Variants in CCDC85A observed in about 807,000 individuals in gnomAD.
CCDC85A encodes the protein coiled-coil domain containing 85A.
In CCDC85A, 38 loss-of-function variants were observed where a neutral mutation model predicts 50.2. That is an observed-to-expected ratio of 0.76 (90% CI 0.58 to 0.99). CCDC85A has a LOEUF of 0.99. Among genes scored for constraint, CCDC85A ranks in the 50% least tolerant of loss-of-function variants. The probability of loss-of-function intolerance (pLI) is 0.00; values close to 1 mark genes in which losing one functional copy is unlikely to be tolerated. For missense variants in CCDC85A, 820 were observed against 742.0 expected (o/e 1.11, Z -1.22); for synonymous variants, 366 against 301.4 (o/e 1.21, Z -2.22).
chr2:56,385,920 T>G lies in CCDC85A; in HGVS notation c.*1565T>G, dbSNP rs1408224568. 14 of 152,042 alleles carry G rather than the reference T, an allele frequency of 9.2e-5. No homozygotes were observed. The Admixed American group carries it at 9.2e-4, about 10-fold the overall frequency. The allele number at this position is 152,042 out of a possible 1,614,324, so 9.4% of individuals were successfully genotyped here. The stretch of plus-strand genomic sequence containing the variant: ...CTATAAAAGAAAATTGCTTGCTATA[T>G]TTACACCTTCTTTCCTAGGAAAGCT... On this transcript the variant is annotated 3_prime_UTR_variant, in exon 6 of 6. Coordinates refer to ENST00000407595, the MANE Select transcript of CCDC85A (RefSeq NM_001080433.2).
At chr2:56,313,477 T>G (rs895673672) in intron 2 of CCDC85A, among the ~76,000 whole-genome samples, 1 of 152,138 alleles carries the variant, frequency 6.6e-6, no homozygotes. Flanking sequence ...CTGGGCAGTA[T>G]TTTTGATTTT....
chr2:56,252,700 C>G (rs1027239018), intron 2 of CCDC85A, among the ~76,000 whole-genome samples: 1 of 152,120 alleles, frequency 6.6e-6, no homozygotes, highest in Non-Finnish European at 1.5e-5. Flanking sequence ...CGGGCCCCCC[C>G]GCCCAACCGA....
intron 2 of CCDC85A, among the ~76,000 whole-genome samples, chr2:56,222,313 A>G (rs1393270961): frequency 2.0e-5 from 3 of 152,168 alleles, no homozygotes; most frequent in Non-Finnish European, 4.4e-5. Flanking sequence ...TTTTTAATTG[A>G]CATTGTACAT....
At chr2:56,200,167 C>T (rs61181057) in intron 2 of CCDC85A, among the ~76,000 whole-genome samples, 5,148 of 152,190 alleles carry the variant, frequency 0.034, 276 homozygotes, top group African/African-American at 0.12. Context: ...ACACCCAGCC[C>T]GTTTTTGCTT....
intron 2 of CCDC85A, among the ~76,000 whole-genome samples, chr2:56,292,119 G>T (rs1173135022): frequency 6.6e-6 from 1 of 152,024 alleles, no homozygotes; most frequent in Non-Finnish European, 1.5e-5. Context: ...GTCTTGCTCT[G>T]TCGCCCAGGC....
At chr2:56,382,753 G>T (rs766591918) in intron 5 of CCDC85A, among the ~76,000 whole-genome samples, 2 of 151,994 alleles carry the variant, frequency 1.3e-5, no homozygotes, top group Non-Finnish European at 2.9e-5. Context: ...AGCTCATTGT[G>T]TTCCACATTT....
At chr2:56,324,054 C>G (rs1673348632) in intron 2 of CCDC85A, among the ~76,000 whole-genome samples, 1 of 152,096 alleles carries the variant, frequency 6.6e-6, no homozygotes. Flanking sequence ...GGGCCTATTG[C>G]TTTGTTCCAT....
rs1671243218 is a variant in CCDC85A, at chr2:56,282,336, G to A, written c.1241-60543G>A. Among the ~76,000 whole-genome samples the A allele has an allele frequency of 3.9e-5, 6 of 152,256 alleles. No homozygotes were observed. The South Asian group carries it at 1.2e-3, about 32-fold the overall frequency. On this transcript the variant is annotated intron_variant, in intron 2 of 5. Coordinates refer to ENST00000407595, the MANE Select transcript of CCDC85A (RefSeq NM_001080433.2). ...GTAGTAAGTCCTGAAATCAAATAGTGTGAGTCCTCTACATTTTTGTTGTTG... is the reference window on the plus strand; with the variant it reads ...GTAGTAAGTCCTGAAATCAAATAGTATGAGTCCTCTACATTTTTGTTGTTG...
intron 2 of CCDC85A, among the ~76,000 whole-genome samples, chr2:56,313,912 C>A (rs183814412): frequency 6.7e-6 from 1 of 148,984 alleles, no homozygotes; most frequent in Admixed American, 6.6e-5. Context: ...CTGGCCTGTT[C>A]AGGGAGCATG....
At chr2:56,279,336 G>A (rs999259042) in intron 2 of CCDC85A, among the ~76,000 whole-genome samples, 4 of 152,116 alleles carry the variant, frequency 2.6e-5, no homozygotes, top group African/African-American at 9.7e-5. Context: ...TGTTCACAGA[G>A]TTGTACAACC....
intron 2 of CCDC85A, among the ~76,000 whole-genome samples, chr2:56,235,800 A>T (rs1028047388): frequency 4.6e-5 from 7 of 152,222 alleles, no homozygotes; most frequent in African/African-American, 7.2e-5. Flanking sequence ...GAGAGTTAAT[A>T]AAAAATAAAA....
chr2:56,260,853 C>T (rs190878875), intron 2 of CCDC85A, among the ~76,000 whole-genome samples: 1 of 152,238 alleles, frequency 6.6e-6, no homozygotes, highest in East Asian at 1.9e-4. Flanking sequence ...CTTATTTAGC[C>T]AGAATTGTCT....
chr2:56,371,857 A>G (rs1042902373), intron 3 of CCDC85A, among the ~76,000 whole-genome samples: 6 of 152,156 alleles, frequency 3.9e-5, no homozygotes, highest in Admixed American at 3.3e-4. Context: ...TTTGTTAAAA[A>G]TTTGATGCAG....
chr2:56,263,990 T>C (rs1670328566), intron 2 of CCDC85A, among the ~76,000 whole-genome samples: 1 of 152,172 alleles, frequency 6.6e-6, no homozygotes, highest in African/African-American at 2.4e-5. Flanking sequence ...CTAACACTAA[T>C]GATAGCTGAT....
intron 2 of CCDC85A, among the ~76,000 whole-genome samples, chr2:56,228,765 C>A (rs1367110574): frequency 1.3e-5 from 2 of 152,138 alleles, no homozygotes; most frequent in African/African-American, 2.4e-5. Flanking sequence ...AATCTCCTGA[C>A]CTAGTGATCC....
chr2:56,385,904 A>G lies in CCDC85A; in HGVS notation c.*1549A>G. 6.6e-6 allele frequency: 1 copy of G among 152,104 alleles called. No homozygotes were observed. Among genetic ancestry groups the G allele is most frequent in the Non-Finnish European group, 1.5e-5 (1 of 67,794 alleles). The allele number at this position is 152,104 out of a possible 1,614,324, so 9.4% of individuals were successfully genotyped here. On this transcript the variant is annotated 3_prime_UTR_variant, in exon 6 of 6. Coordinates refer to ENST00000407595, the MANE Select transcript of CCDC85A (RefSeq NM_001080433.2). ...TTAAAATGTTATTACTCTATAAAAG[A>G]AAATTGCTTGCTATATTTACACCTT...
chr2:56,368,856 A>G (rs1675935999), intron 3 of CCDC85A, among the ~76,000 whole-genome samples: 1 of 151,994 alleles, frequency 6.6e-6, no homozygotes, highest in African/African-American at 2.4e-5. Flanking sequence ...GTATATGTAT[A>G]TATTCAATAA....
intron 2 of CCDC85A, among the ~76,000 whole-genome samples, chr2:56,286,898 C>G (rs186770967): frequency 2.0e-5 from 3 of 152,238 alleles, no homozygotes; most frequent in Admixed American, 2.0e-4. Context: ...TTTCTTGATC[C>G]TGTTGGACTT....
intron 2 of CCDC85A, among the ~76,000 whole-genome samples, chr2:56,304,512 G>A (rs1672345112): frequency 6.6e-6 from 1 of 152,164 alleles, no homozygotes; most frequent in Admixed American, 6.5e-5. Flanking sequence ...TTGCATCTGT[G>A]CTGGTGGCAG....
Sources: gnomAD v4.1 joint callset for allele counts (sites outside exome capture counted in the v4.1 genomes callset) on GRCh38, gnomAD v4.1.1 for gene constraint, MANE v1.5 for transcripts, NCBI Gene and HGNC (gene_info 2026-07-23, HGNC 2026-07-21) for gene names.